The following RABGAP1L variants were observed in gnomAD, a reference collection of about 807,000 sequenced individuals.
RABGAP1L encodes the protein rab GTPase-activating protein 1-like.
In RABGAP1L, 63 loss-of-function variants were observed where a neutral mutation model predicts 137.7. The ratio of observed to expected loss-of-function variants is 0.46; its 90% CI spans 0.37 to 0.56. The LOEUF (loss-of-function observed/expected upper bound fraction) is 0.56. Among genes scored for constraint, RABGAP1L ranks in the 20% least tolerant of loss-of-function variants. RABGAP1L has a pLI of 0.00. For synonymous variants in RABGAP1L, 431 were observed against 433.7 expected (o/e 0.99, Z 0.08); for missense variants, 1,095 against 1,244.0 (o/e 0.88, Z 1.80).
At chr1:174,172,176 T>TTGTGTGTGTG (rs34345014) in intron 1 of RABGAP1L, among the ~76,000 whole-genome samples, 61 of 123,606 alleles carry the variant, frequency 4.9e-4, no homozygotes, top group African/African-American at 1.5e-3. Flanking sequence ...TAATATTCCC[T>TTGTGTGTGTG]TGTGTGTGTG....
intron 11 of RABGAP1L, among the ~76,000 whole-genome samples, chr1:174,316,083 C>T (rs10912763): frequency 0.28 from 42,606 of 151,904 alleles, 6,488 homozygotes; most frequent in African/African-American, 0.39. Flanking sequence ...TCTGCTTAAT[C>T]TGAAAAAATT....
intron 10 of RABGAP1L, among the ~76,000 whole-genome samples, chr1:174,281,421 T>G (rs748912995): frequency 3.3e-5 from 5 of 152,166 alleles, no homozygotes; most frequent in Non-Finnish European, 7.3e-5. Context: ...TTTTACAGAG[T>G]GCTGATTGGT....
chr1:174,923,518 G>T (rs537538165), intron 19 of RABGAP1L, among the ~76,000 whole-genome samples: 3 of 152,172 alleles, frequency 2.0e-5, no homozygotes, highest in Non-Finnish European at 4.4e-5. Context: ...CTGTCTGGAT[G>T]AGTGACACAT....
chr1:174,271,890 A>T (rs538254080), intron 7 of RABGAP1L, among the ~76,000 whole-genome samples: 31 of 151,414 alleles, frequency 2.0e-4, no homozygotes, highest in South Asian at 6.3e-4. Flanking sequence ...TTTTTTTTTT[A>T]AAACTGAGGA....
At chr1:174,472,710 A>G (rs933890789) in intron 13 of RABGAP1L, among the ~76,000 whole-genome samples, 6 of 152,194 alleles carry the variant, frequency 3.9e-5, no homozygotes, top group Non-Finnish European at 8.8e-5. Context: ...GTTTTTATCA[A>G]GAGCCCATCA....
At chr1:174,864,238 G>A (rs1650817827) in intron 19 of RABGAP1L, among the ~76,000 whole-genome samples, 1 of 152,136 alleles carries the variant, frequency 6.6e-6, no homozygotes, top group Non-Finnish European at 1.5e-5. Context: ...GCAATGTCCT[G>A]TTATACTTAA....
At chr1:174,909,921 C>T (rs1217743600) in intron 19 of RABGAP1L, among the ~76,000 whole-genome samples, 4 of 152,112 alleles carry the variant, frequency 2.6e-5, no homozygotes, top group Non-Finnish European at 4.4e-5. Context: ...GGGCAGATCA[C>T]GAGGTCAGGA....
chr1:174,562,237 C>A (rs953300569), intron 13 of RABGAP1L, among the ~76,000 whole-genome samples: 27 of 152,140 alleles, frequency 1.8e-4, no homozygotes, highest in African/African-American at 6.5e-4. Context: ...ATGCAGCCAA[C>A]AAACATATGA....
At chr1:174,551,567 G>A (rs545598991) in intron 13 of RABGAP1L, among the ~76,000 whole-genome samples, 1 of 152,184 alleles carries the variant, frequency 6.6e-6, no homozygotes, top group South Asian at 2.1e-4. Flanking sequence ...AATGAGGAAG[G>A]TTCTCAGATC....
intron 1 of RABGAP1L, among the ~76,000 whole-genome samples, chr1:174,177,659 A>G (rs920343528): frequency 6.6e-6 from 1 of 152,152 alleles, no homozygotes; most frequent in Non-Finnish European, 1.5e-5. Flanking sequence ...ATTTTTGTAT[A>G]AGGTGTAAGG....
chr1:174,711,187 C>T (rs1680471649), intron 17 of RABGAP1L, among the ~76,000 whole-genome samples: 1 of 152,120 alleles, frequency 6.6e-6, no homozygotes, highest in African/African-American at 2.4e-5. Flanking sequence ...CCGCAAGTGC[C>T]ATGTACAGCC....
intron 19 of RABGAP1L, among the ~76,000 whole-genome samples, chr1:174,935,984 C>CAAAAAAAAAAAA (rs58215269): frequency 4.6e-5 from 2 of 43,174 alleles, no homozygotes; most frequent in Non-Finnish European, 4.0e-5. Flanking sequence ...TCCATCTCAC[C>CAAAAAAAAAAAA]AAAAAAAAAA....
intron 18 of RABGAP1L, among the ~76,000 whole-genome samples, chr1:174,763,954 G>A (rs1268382235): frequency 2.0e-5 from 3 of 151,752 alleles, no homozygotes; most frequent in Non-Finnish European, 2.9e-5. Context: ...AAGCATAGTA[G>A]CCACTTCCCA....
intron 14 of RABGAP1L, among the ~76,000 whole-genome samples, chr1:174,665,917 A>G (rs1676756099): frequency 6.6e-6 from 1 of 152,274 alleles, no homozygotes; most frequent in Admixed American, 6.5e-5. Flanking sequence ...AGGTAGAGAA[A>G]TTAATGCAAA....
chr1:174,694,406 G>A (rs1409680323), intron 15 of RABGAP1L, among the ~76,000 whole-genome samples: 2 of 144,532 alleles, frequency 1.4e-5, no homozygotes, highest in Admixed American at 7.4e-5. Flanking sequence ...GTGTCCATGT[G>A]TTCTCATTGT....
chr1:174,233,306 G>A (rs1027569458), intron 4 of RABGAP1L, among the ~76,000 whole-genome samples: 1 of 151,142 alleles, frequency 6.6e-6, no homozygotes, highest in Non-Finnish European at 1.5e-5. Context: ...GGGTACATGT[G>A]CACATTGTGC....
At chr1:174,420,800 G>A (rs1651184804) in intron 13 of RABGAP1L, among the ~76,000 whole-genome samples, 2 of 150,480 alleles carry the variant, frequency 1.3e-5, no homozygotes, top group Non-Finnish European at 3.0e-5. Flanking sequence ...TCAGCCTCCC[G>A]AGTAGCTGGG....
At chr1:174,241,747 C>T in intron 5 of RABGAP1L, 90 bp downstream of exon 5, 1 of 1,110,182 alleles carries the variant, frequency 9.0e-7, no homozygotes, top group Non-Finnish European at 1.3e-6. Flanking sequence ...AAATATGTTA[C>T]ATAAATTTGG....
At chr1:174,385,755 A>T (rs1686714582) in intron 12 of RABGAP1L, among the ~76,000 whole-genome samples, 1 of 152,190 alleles carries the variant, frequency 6.6e-6, no homozygotes, top group African/African-American at 2.4e-5. Context: ...CTGATAGGTG[A>T]AGTCTGATGA....
Sources: allele counts gnomAD v4.1 joint callset (sites outside exome capture counted in the v4.1 genomes callset), GRCh38; gene constraint gnomAD v4.1.1; transcripts MANE v1.5; gene names NCBI Gene and HGNC (gene_info 2026-07-23, HGNC 2026-07-21).